IRAG2: variants seen among roughly 807,000 people sequenced by gnomAD.
IRAG2 encodes the protein inositol 1,4,5-triphosphate receptor associated 2.
A neutral mutation model predicts 69.9 loss-of-function variants in IRAG2; 45 were observed. The observed-to-expected ratio is 0.64, with a 90% CI of 0.51 to 0.83. The LOEUF (loss-of-function observed/expected upper bound fraction) is 0.83, where lower values mean the gene tolerates loss of function less well. IRAG2 is among the 40% of genes least tolerant of loss of function. The pLI is 0.00. For synonymous variants in IRAG2, 193 were observed against 202.4 expected (o/e 0.95, Z 0.40); for missense variants, 520 against 587.0 (o/e 0.89, Z 1.18).
At chr12:25,063,399 GTT>G (rs1318866673) in intron 3 of IRAG2, among the ~76,000 whole-genome samples, 4 of 152,132 alleles carry the variant, frequency 2.6e-5, no homozygotes, top group African/African-American at 9.7e-5. Flanking sequence ...ATGTAACTAA[GTT>G]TATTCCTCAC....
chr12:25,070,725 G>A (rs980747982), intron 6 of IRAG2, among the ~76,000 whole-genome samples: 13 of 152,148 alleles, frequency 8.5e-5, no homozygotes, highest in Non-Finnish European at 1.3e-4. Context: ...AACAGACTTC[G>A]AGGGTGGCTA....
Position 25,077,254 on chromosome 12 carries a change from A to ATATATATAT in IRAG2, c.25-1989_25-1981dup, listed in dbSNP as rs1946788702. Among the ~76,000 whole-genome samples, 3 of 31,004 alleles carry ATATATATAT rather than the reference A, an allele frequency of 9.7e-5. 1 individual carries two copies. The highest frequency in any genetic ancestry group is 2.0e-4 in the Non-Finnish European group (3 of 14,660). 20.3% of individuals were successfully genotyped at this position (31,004 alleles called of 152,430 possible). On this transcript the variant is annotated intron_variant, in intron 6 of 21. Transcript: ENST00000556887. ...GATATATATATGAAATATATATATGATATATATATGAAATATATATGAAAT... is the reference window on the plus strand; with the variant it reads ...GATATATATATGAAATATATATATGATATATATATTATATATATGAAATATATATGAAAT...
intron 9 of IRAG2, chr12:25,026,963 G>T (rs1380871841): frequency 7.3e-6 from 4 of 549,508 alleles, no homozygotes; most frequent in Non-Finnish European, 1.1e-5. Flanking sequence ...CTAAACTTTG[G>T]TTATAAATTC....
At chr12:25,041,258 C>A (rs1426183543) in intron 16 of IRAG2, among the ~76,000 whole-genome samples, 1 of 152,122 alleles carries the variant, frequency 6.6e-6, no homozygotes, top group Non-Finnish European at 1.5e-5. Flanking sequence ...CCACACACAG[C>A]CTTTGCAGTC....
At position 25,013,999 on chromosome 12, in the gene IRAG2, C is replaced by A. The variant is rs1284962776; in HGVS notation, c.897-1183C>A. On this transcript the variant is annotated intron_variant, in intron 3 of 38. Coordinates refer to the IRAG2 transcript ENST00000636465. The stretch of plus-strand genomic sequence containing the variant: ...ATGCCATTCTCCTGCCTCAGCCTCC[C>A]GAGTAGCTGGGACTACAGGCTCCTG... 4.0e-5 allele frequency among the ~76,000 whole-genome samples: 6 copies of A among 150,308 alleles called. No individual in the cohort carries two copies. In the East Asian group the frequency reaches 1.2e-3, roughly 29 times the overall value.
exon 6 of IRAG2, chr12:25,017,229 C>T (rs1446790415): frequency 8.1e-7 from 1 of 1,231,996 alleles, no homozygotes; most frequent in Non-Finnish European, 1.0e-6. Flanking sequence ...GCTTTAGAAA[C>T]CCTGGAAGAA....
At chr12:25,037,080 A>T (rs1330818799) in intron 15 of IRAG2, among the ~76,000 whole-genome samples, 6 of 152,198 alleles carry the variant, frequency 3.9e-5, no homozygotes, top group Admixed American at 3.9e-4. Flanking sequence ...TATCTCAGGA[A>T]CTTGCAGAAC....
At position 25,108,225 on chromosome 12, in the gene IRAG2, AATACAATGGGGAAGAAGT is replaced by A; in HGVS notation, c.*166_*183del. The A allele has an allele frequency of 1.4e-6, 1 of 708,640 alleles. No individual in the cohort carries two copies. The highest frequency in any genetic ancestry group is 2.3e-6 in the Non-Finnish European group (1 of 442,878). The allele number at this position is 708,640 out of a possible 1,614,324, so 43.9% of individuals were successfully genotyped here. A position where few individuals can be genotyped will look rare whatever the true frequency, so the allele number is the denominator to read the frequency against. On this transcript the variant is annotated 3_prime_UTR_variant, in exon 22 of 22. Transcript: ENST00000556887. ...TTTTTGCCTTTATCTCCCCAACTAAAATACAATGGGGAAGAAGTCTGCCTATGATCTTTGAATGAGCTT... is the reference window on the plus strand; with the variant it reads ...TTTTTGCCTTTATCTCCCCAACTAAACTGCCTATGATCTTTGAATGAGCTT...
At chr12:25,034,568 A>G (rs941219674) in intron 13 of IRAG2, among the ~76,000 whole-genome samples, 2 of 152,188 alleles carry the variant, frequency 1.3e-5, no homozygotes, top group Non-Finnish European at 2.9e-5. Flanking sequence ...GGGGATAAAG[A>G]TGTTCTGACT....
At chr12:25,070,333 C>T (rs1264695397) in intron 6 of IRAG2, among the ~76,000 whole-genome samples, 1 of 152,170 alleles carries the variant, frequency 6.6e-6, no homozygotes, top group East Asian at 1.9e-4. Flanking sequence ...TATAGATTTG[C>T]CTATTCTGGA....
intron 13 of IRAG2, among the ~76,000 whole-genome samples, chr12:25,034,166 A>G (rs1944688875): frequency 6.6e-6 from 1 of 152,206 alleles, no homozygotes; most frequent in South Asian, 2.1e-4. Flanking sequence ...GGTTTGTGGA[A>G]GTGTGCATTC....
upstream of IRAG2, among the ~76,000 whole-genome samples, chr12:25,051,085 G>A (rs74722427): frequency 0.013 from 1,927 of 152,240 alleles, 21 homozygotes; most frequent in African/African-American, 0.033. Context: ...ATACTGTATT[G>A]TACACTTAAA....
chr12:24,999,662 T>C (rs1369864537), upstream of IRAG2, among the ~76,000 whole-genome samples: 1 of 152,198 alleles, frequency 6.6e-6, no homozygotes, highest in African/African-American at 2.4e-5. Flanking sequence ...ACAATATGTA[T>C]AACATTCTGT....
intron 10 of IRAG2, among the ~76,000 whole-genome samples, chr12:25,084,985 AC>A: frequency 6.6e-6 from 1 of 152,244 alleles, no homozygotes; most frequent in Non-Finnish European, 1.5e-5. Flanking sequence ...CCTAGGGGGA[AC>A]ATGCAGACCA....
rs369284067 is a variant in IRAG2 at position 25,090,217 on chromosome 12, G to A, written c.606+20G>A. The stretch of plus-strand genomic sequence containing the variant: ...TTAGAGGTGAGAATCAGAACATTTG[G>A]GATATAAACATTTGGTCTAGCCAGG... On this transcript the variant is annotated intron_variant, in intron 14 of 21. Coordinates refer to ENST00000556887, the MANE Select transcript of IRAG2 (RefSeq NM_001366544.2). The A allele has an allele frequency of 2.4e-5, 39 of 1,610,172 alleles. No individual in the cohort carries two copies. Among genetic ancestry groups the A allele is most frequent in the African/African-American group, 1.1e-4 (8 of 74,764 alleles).
chr12:25,072,930 A>T (rs1946427694), intron 6 of IRAG2, among the ~76,000 whole-genome samples: 1 of 152,232 alleles, frequency 6.6e-6, no homozygotes, highest in Non-Finnish European at 1.5e-5. Flanking sequence ...ATTCTATTAG[A>T]CTGTCAAGCC....
At chr12:25,101,051 A>G in intron 15 of IRAG2, 127 bp from the exon 16 acceptor site, 2 of 730,676 alleles carry the variant, frequency 2.7e-6, no homozygotes. Flanking sequence ...TGTCTTTTTA[A>G]AAAAAAAACA....
At chr12:25,038,831 G>A (rs1355962096) in intron 16 of IRAG2, among the ~76,000 whole-genome samples, 1 of 152,152 alleles carries the variant, frequency 6.6e-6, no homozygotes, top group Non-Finnish European at 1.5e-5. Context: ...AGTTACTAAT[G>A]GAAGCTCTAG....
chr12:25,101,516 T>C lies in IRAG2; in HGVS notation c.889+191T>C, dbSNP rs372553758. Among the ~76,000 whole-genome samples, 68 of 152,350 alleles carry C rather than the reference T, an allele frequency of 4.5e-4. 1 individual carries two copies. The highest frequency in any genetic ancestry group is 1.5e-3 in the African/African-American group (63 of 41,574). ...ACAGGTTGGGACACATGAAGGATTC[T>C]TTAGTAATGACACCAAAAATTTATT... On this transcript the variant is annotated intron_variant, in intron 16 of 21. Transcript: ENST00000556887.
Sources: allele counts gnomAD v4.1 joint callset (sites outside exome capture counted in the v4.1 genomes callset), GRCh38; gene constraint gnomAD v4.1.1; transcripts MANE v1.5; gene names NCBI Gene and HGNC (gene_info 2026-07-23, HGNC 2026-07-21).